CC2D2A: variants seen among roughly 807,000 people sequenced by gnomAD.
CC2D2A encodes coiled-coil and C2 domain containing 2A, also known as coiled-coil and C2 domain-containing protein 2A.
A neutral mutation model predicts 212.9 loss-of-function variants in CC2D2A; 155 were observed. The observed-to-expected ratio is 0.73, with a 90% CI of 0.64 to 0.83. The LOEUF (loss-of-function observed/expected upper bound fraction) is 0.83. CC2D2A is among the 40% of genes least tolerant of loss of function. The probability of loss-of-function intolerance (pLI) is 0.00; values close to 1 mark genes in which losing one functional copy is unlikely to be tolerated. For missense variants in CC2D2A, 1,856 were observed against 1,956.2 expected, an observed-to-expected ratio of 0.95 and a Z score of 0.97; for synonymous variants, 667 against 686.5, an observed-to-expected ratio of 0.97 and a Z score of 0.44.
rs112901708 is a variant in CC2D2A at position 15,587,567 on chromosome 4, G to A, written c.4066-249G>A. ...ACGAAACTTTGAAATTTTTCTCCCC[G>A]ACCCTACCACAATCATAGTGAGTAT... is the stretch of plus-strand genomic sequence containing the variant. On this transcript the variant is annotated intron_variant, in intron 31 of 36. Coordinates refer to ENST00000424120, the MANE Select transcript of CC2D2A (RefSeq NM_001378615.1). Among the ~76,000 whole-genome samples, 2,480 of 152,104 alleles carry A rather than the reference G, an allele frequency of 0.016. 69 individuals are homozygous for A. Among genetic ancestry groups the A allele is most frequent in the African/African-American group, 0.056 (2,335 of 41,484 alleles).
intron 13 of CC2D2A, among the ~76,000 whole-genome samples, chr4:15,532,143 C>A (rs1052957340): frequency 2.6e-5 from 4 of 152,130 alleles, no homozygotes; most frequent in African/African-American, 9.7e-5. Context: ...CAACTGCACC[C>A]TTAACCACAA....
chr4:15,478,308 T>C (rs1714374307), intron 2 of CC2D2A, among the ~76,000 whole-genome samples: 1 of 152,244 alleles, frequency 6.6e-6, no homozygotes. Context: ...ACTTAACCGG[T>C]GAAATCCCTA....
chr4:15,578,056 C>G (rs1033078550), intron 29 of CC2D2A, among the ~76,000 whole-genome samples: 1 of 152,202 alleles, frequency 6.6e-6, no homozygotes, highest in African/African-American at 2.4e-5. Flanking sequence ...TCCACAATTA[C>G]AATTACTCCT....
intron 33 of CC2D2A, among the ~76,000 whole-genome samples, chr4:15,591,796 C>T (rs1452106181): frequency 6.6e-6 from 1 of 152,190 alleles, no homozygotes; most frequent in African/African-American, 2.4e-5. Flanking sequence ...CTGAAAAAGC[C>T]TTCAAATAAC....
At chr4:15,592,320 A>G (rs1721145053) in intron 33 of CC2D2A, among the ~76,000 whole-genome samples, 1 of 152,126 alleles carries the variant, frequency 6.6e-6, no homozygotes, top group South Asian at 2.1e-4. Flanking sequence ...TTCCTCCCCA[A>G]GTTCTTCAAA....
intron 28 of CC2D2A, among the ~76,000 whole-genome samples, chr4:15,570,843 G>A (rs984937503): frequency 2.6e-5 from 4 of 152,048 alleles, no homozygotes; most frequent in African/African-American, 9.7e-5. Flanking sequence ...AGCCAAGATC[G>A]CGCCATTGCA....
At chr4:15,542,310 T>C (rs973063038) in intron 17 of CC2D2A, among the ~76,000 whole-genome samples, 1 of 152,094 alleles carries the variant, frequency 6.6e-6, no homozygotes, top group African/African-American at 2.4e-5. Context: ...TGCTAACAGG[T>C]CTCTCTTATG....
Position 15,511,409 on chromosome 4 carries a change from G to A in CC2D2A, c.703G>A (p.Gly235Arg), listed in dbSNP as rs1226708664. Residue 235 changes from glycine to arginine, a missense_variant, in exon 8 of 37, where the codon GGA becomes AGA. Coordinates refer to ENST00000424120, the MANE Select transcript of CC2D2A (RefSeq NM_001378615.1). The stretch of plus-strand genomic sequence containing the variant: ...AGAAGAAGAACCACCTGCACAAGGA[G>A]GAGGAAAGGAAATGGTATTTAATAT... ...GEEEEPPAQG[G>R]GKEMDEEELL... is the part of the protein sequence containing the mutation. The A allele has an allele frequency of 6.5e-7, 1 of 1,544,190 alleles. No homozygotes were observed. The highest frequency in any genetic ancestry group is 8.7e-7 in the Non-Finnish European group (1 of 1,154,536).
intron 6 of CC2D2A, among the ~76,000 whole-genome samples, chr4:15,509,264 G>A (rs914678506): frequency 1.4e-5 from 2 of 146,370 alleles, no homozygotes; most frequent in Non-Finnish European, 3.0e-5. Flanking sequence ...TTAATTTATA[G>A]GATGAGATAA....
intron 12 of CC2D2A, 70 bp from the exon 13 acceptor site, chr4:15,528,550 G>C: frequency 7.9e-7 from 1 of 1,272,798 alleles, no homozygotes; most frequent in Non-Finnish European, 1.1e-6. Flanking sequence ...AGGAGAAGTG[G>C]GTGGGTCCAG....
Position 15,557,516 on chromosome 4 carries a change from C to T in CC2D2A, c.2829+9C>T, listed in dbSNP as rs1009676697. The T allele has an allele frequency of 1.4e-5, 22 of 1,575,088 alleles. No individual in the cohort carries two copies. Among genetic ancestry groups the T allele is most frequent in the Admixed American group, 1.8e-5 (1 of 56,372 alleles). ...TGGAAAAGGTATTCCAGGTAAGAAACTGCCATAGAGGGGTTAATAAAATAA... is the reference window on the plus strand; with the variant it reads ...TGGAAAAGGTATTCCAGGTAAGAAATTGCCATAGAGGGGTTAATAAAATAA... On this transcript the variant is annotated intron_variant, in intron 21 of 36. Coordinates refer to ENST00000424120, the MANE Select transcript of CC2D2A (RefSeq NM_001378615.1).
At chr4:15,584,606 G>C (rs1383019016) in intron 30 of CC2D2A, among the ~76,000 whole-genome samples, 5 of 151,932 alleles carry the variant, frequency 3.3e-5, no homozygotes, top group Non-Finnish European at 7.4e-5. Context: ...TTTTTAGTAA[G>C]ACCTCAAAAG....
At chr4:15,473,679 G>A (rs1040249319) in intron 1 of CC2D2A, among the ~76,000 whole-genome samples, 1 of 152,192 alleles carries the variant, frequency 6.6e-6, no homozygotes, top group African/African-American at 2.4e-5. Context: ...GTGGCAAGCT[G>A]AGAAATTAGG....
chr4:15,502,637 G>C lies in CC2D2A; in HGVS notation c.336+120G>C, dbSNP rs142389729. ...GAATACCATTCAATTTGTCTTTCAA[G>C]TTTTAAATGTTAATGTCTTATTTTG... is the stretch of plus-strand genomic sequence containing the variant. On this transcript the variant is annotated intron_variant, in intron 5 of 36. Coordinates refer to ENST00000424120, the MANE Select transcript of CC2D2A (RefSeq NM_001378615.1). The C allele has an allele frequency of 7.4e-4, 774 of 1,051,700 alleles. 7 individuals are homozygous for C. In the African/African-American group the frequency reaches 0.011, roughly 15 times the overall value. The allele number at this position is 1,051,700 out of a possible 1,614,324, so 65.1% of individuals were successfully genotyped here.
At chr4:15,578,791 T>G (rs1720518099) in intron 29 of CC2D2A, among the ~76,000 whole-genome samples, 1 of 105,522 alleles carries the variant, frequency 9.5e-6, no homozygotes, top group African/African-American at 3.4e-5. Context: ...ACACCTGGTT[T>G]GTTTGTTTGT....
chr4:15,551,012 T>G, intron 18 of CC2D2A, 32 bp downstream of exon 18: 1 of 1,521,210 alleles, frequency 6.6e-7, no homozygotes, highest in African/African-American at 1.4e-5. Flanking sequence ...AATGGTTCAC[T>G]GTTTCATTGT....
At chr4:15,572,153 T>C (rs1720199950) in intron 28 of CC2D2A, among the ~76,000 whole-genome samples, 1 of 152,202 alleles carries the variant, frequency 6.6e-6, no homozygotes, top group Non-Finnish European at 1.5e-5. Flanking sequence ...TAGGTGCATA[T>C]TATATGTTAT....
At chr4:15,541,370 AT>A (rs1409939826) in intron 17 of CC2D2A, among the ~76,000 whole-genome samples, 3 of 151,902 alleles carry the variant, frequency 2.0e-5, no homozygotes, top group African/African-American at 4.8e-5. Context: ...TGCCCCAATA[AT>A]TTTTTGTTCA....
intron 24 of CC2D2A, among the ~76,000 whole-genome samples, chr4:15,564,496 A>G (rs2109066700): frequency 6.6e-6 from 1 of 152,274 alleles, no homozygotes; most frequent in African/African-American, 2.4e-5. Context: ...TACTGCTATT[A>G]CTATCTCCAC....
Sources: allele counts gnomAD v4.1 joint callset (sites outside exome capture counted in the v4.1 genomes callset), GRCh38; gene constraint gnomAD v4.1.1; transcripts MANE v1.5; gene names NCBI Gene and HGNC (gene_info 2026-07-23, HGNC 2026-07-21).